Variants in ELF2 observed in about 807,000 individuals in gnomAD.
ELF2 encodes E74 like ETS transcription factor 2.
In ELF2, 11 loss-of-function variants were observed where a neutral mutation model predicts 54.8. The ratio of observed to expected loss-of-function variants is 0.20; its 90% confidence interval spans 0.13 to 0.33. The LOEUF (loss-of-function observed/expected upper bound fraction) is 0.33, where lower values mean the gene tolerates loss of function less well. Among genes scored for constraint, ELF2 ranks in the 10% least tolerant of loss-of-function variants. ELF2 has a pLI of 1.00. For missense variants in ELF2, 513 were observed against 703.0 expected (o/e 0.73, Z 3.06); for synonymous variants, 203 against 245.1 (o/e 0.83, Z 1.61).
intron 9 of ELF2, among the ~76,000 whole-genome samples, chr4:139,059,966 G>C (rs1727592392): frequency 6.6e-6 from 1 of 151,698 alleles, no homozygotes; most frequent in South Asian, 2.1e-4. Context: ...TCCTGCCTTA[G>C]CTTCCTCAGT....
chr4:139,172,412 G>A (rs72629204), intron 1 of ELF2, among the ~76,000 whole-genome samples: 15,783 of 152,082 alleles, frequency 0.1, 1,543 homozygotes, highest in East Asian at 0.43. Context: ...CCTCTGCCTC[G>A]GCCATGAATC....
chr4:139,140,419 C>G (rs1204011117), intron 1 of ELF2, among the ~76,000 whole-genome samples: 1 of 152,140 alleles, frequency 6.6e-6, no homozygotes, highest in African/African-American at 2.4e-5. Flanking sequence ...GGACTTCTTT[C>G]CCTCAACATA....
At chr4:139,175,187 C>T (rs761993965) in intron 1 of ELF2, among the ~76,000 whole-genome samples, 8 of 152,174 alleles carry the variant, frequency 5.3e-5, no homozygotes, top group Non-Finnish European at 1.2e-4. Context: ...AAGCCACTAA[C>T]ATTAGCAGAC....
intron 1 of ELF2, among the ~76,000 whole-genome samples, chr4:139,140,598 A>T (rs1396360439): frequency 6.6e-6 from 1 of 152,018 alleles, no homozygotes; most frequent in African/African-American, 2.4e-5. Context: ...TACAAAAAAT[A>T]AAAAACTTAG....
chr4:139,124,053 A>G (rs916578462), intron 4 of ELF2, among the ~76,000 whole-genome samples: 2 of 144,078 alleles, frequency 1.4e-5, no homozygotes, highest in East Asian at 4.2e-4. Context: ...TTTTTTGTTT[A>G]TTTGTTTAGA....
intron 1 of ELF2, among the ~76,000 whole-genome samples, chr4:139,173,134 T>C (rs998154363): frequency 6.6e-6 from 1 of 152,044 alleles, no homozygotes; most frequent in Non-Finnish European, 1.5e-5. Flanking sequence ...GAATAAGGGT[T>C]AACTGCAAAC....
At chr4:139,153,118 A>G (rs752171940) in intron 1 of ELF2, among the ~76,000 whole-genome samples, 2 of 152,052 alleles carry the variant, frequency 1.3e-5, no homozygotes, top group Non-Finnish European at 2.9e-5. Flanking sequence ...ACAATACTCT[A>G]TATACTATGA....
intron 1 of ELF2, among the ~76,000 whole-genome samples, chr4:139,169,346 TAA>T (rs61462829): frequency 5.0e-4 from 39 of 77,496 alleles, no homozygotes; most frequent in African/African-American, 1.1e-3. Context: ...GGACTACATT[TAA>T]AAAAAAAAAA....
At chr4:139,121,250 A>G (rs1736307145) in intron 4 of ELF2, among the ~76,000 whole-genome samples, 1 of 150,568 alleles carries the variant, frequency 6.6e-6, no homozygotes, top group Admixed American at 6.6e-5. Context: ...CTGGGACTAC[A>G]GGCGCCCGCT....
chr4:139,176,183 G>A (rs1742894361), intron 1 of ELF2, among the ~76,000 whole-genome samples: 1 of 152,156 alleles, frequency 6.6e-6, no homozygotes, highest in Admixed American at 6.5e-5. Context: ...TGCCTGTTAC[G>A]AGCCCGTTTT....
intron 8 of ELF2, 99 bp from the exon 9 acceptor site, chr4:139,060,773 C>CA: frequency 1.1e-6 from 1 of 950,946 alleles, no homozygotes; most frequent in Non-Finnish European, 1.6e-6. Context: ...CTAACAGAAA[C>CA]ATTCCCTTAT....
intron 1 of ELF2, among the ~76,000 whole-genome samples, chr4:139,141,717 T>G (rs531092371): frequency 1.5e-4 from 23 of 152,174 alleles, no homozygotes; most frequent in Non-Finnish European, 2.9e-4. Context: ...TTGTTGCCAG[T>G]TGGTGAAGTC....
intron 1 of ELF2, among the ~76,000 whole-genome samples, chr4:139,164,347 T>A (rs1445032792): frequency 3.9e-5 from 6 of 152,138 alleles, no homozygotes; most frequent in Non-Finnish European, 8.8e-5. Flanking sequence ...TCTAAAAGTT[T>A]AGCTTTGGTC....
chr4:139,161,651 T>TAAAAAAA (rs1560884167), intron 1 of ELF2, among the ~76,000 whole-genome samples: 5 of 101,874 alleles, frequency 4.9e-5, no homozygotes, highest in African/African-American at 2.0e-4. Flanking sequence ...GTAAAACTGT[T>TAAAAAAA]TAAAAAAAAA....
At chr4:139,062,848 C>T (rs28447204) in intron 7 of ELF2, among the ~76,000 whole-genome samples, 10,944 of 152,268 alleles carry the variant, frequency 0.072, 462 homozygotes, top group African/African-American at 0.12. Flanking sequence ...GATTCACCTA[C>T]AGGCATGAAC....
At chr4:139,173,259 A>G (rs369987955) in intron 1 of ELF2, among the ~76,000 whole-genome samples, 5 of 152,186 alleles carry the variant, frequency 3.3e-5, no homozygotes, top group African/African-American at 1.2e-4. Flanking sequence ...CTCAAAATGG[A>G]TAATTTTTTT....
chr4:139,129,509 C>A (rs532166710), intron 3 of ELF2, among the ~76,000 whole-genome samples: 3 of 152,346 alleles, frequency 2.0e-5, no homozygotes, highest in Admixed American at 6.5e-5. Context: ...ACTCAGTCAA[C>A]ACTTCAAGCT....
At chr4:139,106,736 ATTTC>A (rs1414391607) in intron 4 of ELF2, among the ~76,000 whole-genome samples, 2 of 126,328 alleles carry the variant, frequency 1.6e-5, no homozygotes, top group South Asian at 2.4e-4. Context: ...TGATAACTAT[ATTTC>A]TTTTTTTTTT....
At chr4:139,105,793 G>C (rs1280891945) in intron 4 of ELF2, among the ~76,000 whole-genome samples, 1 of 152,192 alleles carries the variant, frequency 6.6e-6, no homozygotes, top group Non-Finnish European at 1.5e-5. Context: ...TTGGGAGGCT[G>C]AGGTGGGAGG....
Sources: allele counts gnomAD v4.1 joint callset (sites outside exome capture counted in the v4.1 genomes callset), GRCh38; gene constraint gnomAD v4.1.1; transcripts MANE v1.5; gene names NCBI Gene and HGNC (gene_info 2026-07-23, HGNC 2026-07-21).